Variants in SLCO4A1 observed in about 807,000 individuals in gnomAD.
SLCO4A1 encodes solute carrier organic anion transporter family member 4A1, also known as colon organic anion transporter.
A neutral mutation model predicts 64.6 loss-of-function variants in SLCO4A1; 51 were observed. The ratio of observed to expected loss-of-function variants is 0.79; its 90% CI spans 0.63 to 1.00. The LOEUF (loss-of-function observed/expected upper bound fraction) is 1.00. Among genes scored for constraint, SLCO4A1 ranks in the 50% least tolerant of loss-of-function variants. The pLI is 0.00. For synonymous variants in SLCO4A1, 471 were observed against 444.9 expected, an observed-to-expected ratio of 1.06 and a Z score of -0.74; for missense variants, 919 against 980.5, an observed-to-expected ratio of 0.94 and a Z score of 0.84.
intron 1 of SLCO4A1, among the ~76,000 whole-genome samples, chr20:62,646,557 A>T (rs538745496): frequency 6.6e-6 from 1 of 152,224 alleles, no homozygotes; most frequent in Non-Finnish European, 1.5e-5. Context: ...CAGCCATGGA[A>T]GGAGGCTGAG....
In SLCO4A1 at chr20:62,668,045, CT is replaced by C; in HGVS notation, c.1675del (p.Ser559ProfsTer29). On this transcript the variant is annotated frameshift_variant, in exon 9 of 12. Coordinates refer to ENST00000217159, the MANE Select transcript of SLCO4A1 (RefSeq NM_016354.4). LOFTEE classifies it high-confidence loss of function. ...YRDCSCIPQNLSSGFGHATAG... is the reference protein window; with the variant it reads ...YRDCSCIPQNXSSGFGHATAG... ...AGACTGTAGCTGTATCCCTCAGAAT[CT>C]TTCCTCTGGTTTTGGCCATGCCACT... 1 of 1,614,040 alleles carries C rather than the reference CT, an allele frequency of 6.2e-7. No homozygotes were observed. Among genetic ancestry groups the C allele is most frequent in the Non-Finnish European group, 8.5e-7 (1 of 1,180,034 alleles).
At chr20:62,654,336 G>C (rs1201353690) in intron 1 of SLCO4A1, among the ~76,000 whole-genome samples, 1 of 152,206 alleles carries the variant, frequency 6.6e-6, no homozygotes, top group South Asian at 2.1e-4. Context: ...TCCAAATAAG[G>C]TCATGCGCTC....
intron 2 of SLCO4A1, among the ~76,000 whole-genome samples, chr20:62,658,423 G>A (rs775445741): frequency 7.9e-5 from 12 of 152,246 alleles, no homozygotes; most frequent in African/African-American, 2.4e-4. Flanking sequence ...ACGGGGCTTC[G>A]AGGGCCTTTG....
chr20:62,642,922 G>C, intron 1 of SLCO4A1: 1 of 451,670 alleles, frequency 2.2e-6, no homozygotes, highest in South Asian at 1.6e-5. Context: ...GACCTGGGCA[G>C]GTGGCCCGGA....
At chr20:62,666,753 G>C (rs1986420719) in intron 7 of SLCO4A1, 178 bp downstream of exon 7, 1 of 623,108 alleles carries the variant, frequency 1.6e-6, no homozygotes, top group Non-Finnish European at 2.8e-6. Context: ...ACGTGAAAAG[G>C]CACCATGCCA....
chr20:62,660,587 T>G, intron 4 of SLCO4A1, 54 bp downstream of exon 4: 1 of 1,581,392 alleles, frequency 6.3e-7, no homozygotes, highest in Non-Finnish European at 8.6e-7. Flanking sequence ...TCCCTTAGTC[T>G]TCGCGAAGGG....
rs1984888408 is a variant in SLCO4A1, at chr20:62,661,543, G to T, written c.1121+368G>T. ...CTCCCCGTGGCCTGTGTGTCCCGGG[G>T]TCCCCAGGGAAGCTGCATTTGACTT... On this transcript the variant is annotated intron_variant, in intron 5 of 11. Coordinates refer to ENST00000217159, the MANE Select transcript of SLCO4A1 (RefSeq NM_016354.4). The surrounding 1 kb of genome is among the most constrained non-coding windows in gnomAD (Gnocchi z 5.2). Among the ~76,000 whole-genome samples the T allele has an allele frequency of 6.6e-6, 1 of 152,206 alleles. No individual in the cohort carries two copies. The highest frequency in any genetic ancestry group is 2.4e-5 in the African/African-American group (1 of 41,526).
intron 2 of SLCO4A1, among the ~76,000 whole-genome samples, chr20:62,678,836 AC>A (rs1388519809): frequency 1.3e-5 from 2 of 152,184 alleles, no homozygotes; most frequent in Non-Finnish European, 2.9e-5. Context: ...TTTCACTTAC[AC>A]AACAGCTTCC....
At chr20:62,683,473 G>T (rs73147414) in intron 2 of SLCO4A1, among the ~76,000 whole-genome samples, 1 of 152,106 alleles carries the variant, frequency 6.6e-6, no homozygotes, top group Non-Finnish European at 1.5e-5. Flanking sequence ...TGAGGTTGAC[G>T]GCGACAGTGA....
chr20:62,688,952 A>G (rs1988147666), downstream of SLCO4A1, among the ~76,000 whole-genome samples: 1 of 152,224 alleles, frequency 6.6e-6, no homozygotes, highest in African/African-American at 2.4e-5. Flanking sequence ...AGCTTTCTAG[A>G]AGCTGGAAAA....
intron 4 of SLCO4A1, 86 bp from the exon 5 acceptor site, chr20:62,660,978 G>C: frequency 1.1e-6 from 1 of 912,914 alleles, no homozygotes; most frequent in Non-Finnish European, 1.7e-6. Flanking sequence ...GGGAGGGGCA[G>C]AGGAGTGGGG....
chr20:62,660,536 G>T lies in SLCO4A1; in HGVS notation c.1009+3G>T. The T allele has an allele frequency of 6.2e-7, 1 of 1,604,536 alleles. No homozygotes were observed. The highest frequency in any genetic ancestry group is 8.5e-7 in the Non-Finnish European group (1 of 1,179,908). On this transcript the variant is annotated splice_donor_region_variant and intron_variant, in intron 4 of 11. Transcript: ENST00000217159. ...TGGTTACCCTCGGCAGCTGCCAGGT[G>T]GGTTTCCCTTCCCCAGCCCAGCCTT...
intron 2 of SLCO4A1, among the ~76,000 whole-genome samples, chr20:62,658,456 T>C (rs1374526587): frequency 6.6e-6 from 1 of 152,260 alleles, no homozygotes; most frequent in East Asian, 1.9e-4. Flanking sequence ...GGAAAGACAG[T>C]GCACTTGGCT....
At position 62,672,155 on chromosome 20, in the gene SLCO4A1, G is replaced by A. The variant is rs1218642791; in HGVS notation, c.*262G>A. On this transcript the variant is annotated 3_prime_UTR_variant, in exon 12 of 12. Coordinates refer to ENST00000217159, the MANE Select transcript of SLCO4A1 (RefSeq NM_016354.4). Reference sequence around the variant, plus strand: ...TATAGAATGTGTTTTATACCCGATCGTGTGTGGTGTGCGTGAGGACAAACT... The same window carrying A: ...TATAGAATGTGTTTTATACCCGATCATGTGTGGTGTGCGTGAGGACAAACT... The A allele has an allele frequency of 2.7e-5, 37 of 1,361,786 alleles. No individual in the cohort carries two copies. The highest frequency in any genetic ancestry group is 1.3e-4 in the African/African-American group (9 of 68,378). 84.4% of individuals were successfully genotyped at this position (1,361,786 alleles called of 1,614,324 possible). A position where few individuals can be genotyped will look rare whatever the true frequency, so the allele number is the denominator to read the frequency against.
chr20:62,670,490 C>T (rs1465811508), intron 11 of SLCO4A1, among the ~76,000 whole-genome samples: 4 of 152,216 alleles, frequency 2.6e-5, no homozygotes, highest in South Asian at 2.1e-4. Flanking sequence ...TTCAGCTCTG[C>T]CAATGGGAAG....
chr20:62,667,253 T>C (rs1043246386), intron 7 of SLCO4A1, among the ~76,000 whole-genome samples: 1 of 152,092 alleles, frequency 6.6e-6, no homozygotes, highest in African/African-American at 2.4e-5. Context: ...AGTTGGACAA[T>C]GGGCGCAGTG....
chr20:62,663,885 C>T lies in SLCO4A1; in HGVS notation c.1122-1049C>T, dbSNP rs147989978. Among the ~76,000 whole-genome samples, 37 of 152,352 alleles carry T rather than the reference C, an allele frequency of 2.4e-4. 2 individuals carry two copies. In the East Asian group the frequency reaches 6.9e-3, roughly 29 times the overall value. On this transcript the variant is annotated intron_variant, in intron 5 of 11. Transcript: ENST00000217159. ...CTGGGAGGGCTTTGCGTGGTTTACA[C>T]CATGCAACACGTTTTCCATCTCAGC...
At chr20:62,681,473 T>TGC (rs1416115342) in intron 2 of SLCO4A1, among the ~76,000 whole-genome samples, 1 of 150,866 alleles carries the variant, frequency 6.6e-6, no homozygotes, top group Non-Finnish European at 1.5e-5. Context: ...CACACTCGTG[T>TGC]GTGTGTTAAG....
chr20:62,680,332 C>T (rs1057500742), intron 2 of SLCO4A1, among the ~76,000 whole-genome samples: 13 of 152,274 alleles, frequency 8.5e-5, no homozygotes, highest in East Asian at 5.8e-4. Context: ...TCTTCCTCTC[C>T]GACCTATATT....
Sources: allele counts gnomAD v4.1 joint callset (sites outside exome capture counted in the v4.1 genomes callset), GRCh38; gene constraint gnomAD v4.1.1; non-coding constraint Gnocchi (gnomAD v3.1); transcripts MANE v1.5; gene names NCBI Gene and HGNC (gene_info 2026-07-23, HGNC 2026-07-21).